SPATA16: variants seen among roughly 807,000 people sequenced by gnomAD.
The protein encoded by SPATA16 is spermatogenesis-associated protein 16.
Under a neutral mutation model 63.3 loss-of-function variants are expected in SPATA16, and 36 were observed. That is an observed-to-expected ratio of 0.57 (90% CI 0.44 to 0.75). SPATA16 has a LOEUF of 0.75. Among genes scored for constraint, SPATA16 ranks in the 30% least tolerant of loss-of-function variants. SPATA16 has a pLI of 0.00. For missense variants in SPATA16, 646 were observed against 679.3 expected (o/e 0.95, Z 0.54); for synonymous variants, 203 against 216.7 (o/e 0.94, Z 0.56).
At chr3:173,123,851 G>A (rs570717877) in intron 1 of SPATA16, among the ~76,000 whole-genome samples, 13 of 152,074 alleles carry the variant, frequency 8.5e-5, no homozygotes, top group Admixed American at 3.9e-4. Context: ...TGATCCACCC[G>A]CCTCAGCCTC....
intron 6 of SPATA16, among the ~76,000 whole-genome samples, chr3:172,933,229 G>C (rs552079080): frequency 6.6e-6 from 1 of 152,234 alleles, no homozygotes; most frequent in Non-Finnish European, 1.5e-5. Context: ...TTCTTGCACT[G>C]TATGAGAGTT....
intron 1 of SPATA16, among the ~76,000 whole-genome samples, chr3:173,129,865 C>T (rs1035062187): frequency 5.9e-5 from 9 of 152,072 alleles, no homozygotes; most frequent in Non-Finnish European, 1.2e-4. Flanking sequence ...GCAAATAATG[C>T]ATGATCCACT....
intron 8 of SPATA16, among the ~76,000 whole-genome samples, chr3:172,919,076 A>G (rs907123416): frequency 1.3e-5 from 2 of 152,214 alleles, no homozygotes; most frequent in African/African-American, 4.8e-5. Context: ...GAAGAAATTA[A>G]AAGTAAAATT....
chr3:172,904,764 T>G (rs764128358), intron 10 of SPATA16, among the ~76,000 whole-genome samples: 1 of 152,238 alleles, frequency 6.6e-6, no homozygotes, highest in African/African-American at 2.4e-5. Context: ...GTGGGAAAGA[T>G]GGCCAGACCA....
rs776214974 is a variant in SPATA16 at position 172,916,433 on chromosome 3, T to C, written c.1387A>G (p.Ser463Gly). 6.2e-6 allele frequency: 10 copies of C among 1,613,758 alleles called. No individual in the cohort carries two copies. Among genetic ancestry groups the C allele is most frequent in the South Asian group, 1.1e-5 (1 of 91,080 alleles). ...SGVMEKLQYA[S>G]LLSQLQRVKE... ...ACTCTCTGCAGCTGGCTGAGGAGGCTGGCATATTGCAACTTCTCCATCACA... is the reference window on the plus strand; with the variant it reads ...ACTCTCTGCAGCTGGCTGAGGAGGCCGGCATATTGCAACTTCTCCATCACA... The change falls in exon 9 of 11, where the codon AGC becomes GGC. Residue 463 changes from serine to glycine, a missense_variant. Transcript: ENST00000351008.
chr3:172,897,211 A>G (rs937207543), intron 10 of SPATA16, among the ~76,000 whole-genome samples: 5 of 152,022 alleles, frequency 3.3e-5, no homozygotes, highest in African/African-American at 9.7e-5. Flanking sequence ...TGAAAATGCT[A>G]TTTTTCTTCC....
At chr3:172,901,999 T>G (rs568742082) in intron 10 of SPATA16, among the ~76,000 whole-genome samples, 1 of 152,200 alleles carries the variant, frequency 6.6e-6, no homozygotes, top group Non-Finnish European at 1.5e-5. Context: ...CTTGTTCTTC[T>G]CTGACACTAC....
At chr3:172,940,025 A>G (rs1485824342) in intron 6 of SPATA16, among the ~76,000 whole-genome samples, 1 of 152,182 alleles carries the variant, frequency 6.6e-6, no homozygotes, top group East Asian at 1.9e-4. Flanking sequence ...TTGGAGACCT[A>G]CCAGGTTGGT....
At position 173,075,342 on chromosome 3, in the gene SPATA16, A is replaced by G. The variant is rs529067168; in HGVS notation, c.613-26248T>C. On this transcript the variant is annotated intron_variant, in intron 2 of 10. Coordinates refer to ENST00000351008, the MANE Select transcript of SPATA16 (RefSeq NM_031955.6). ...TACACAGTTGGTGAGAATGTAAATT[A>G]GTAAAATCACTATGAAGAATAGTAT... is the stretch of plus-strand genomic sequence containing the variant. 3.7e-3 allele frequency among the ~76,000 whole-genome samples: 561 copies of G among 152,354 alleles called. 6 individuals carry two copies. Among genetic ancestry groups the G allele is most frequent in the African/African-American group, 0.013 (523 of 41,592 alleles).
At chr3:172,927,854 G>A (rs143417172) in intron 6 of SPATA16, among the ~76,000 whole-genome samples, 122 of 152,288 alleles carry the variant, frequency 8.0e-4, no homozygotes, top group African/African-American at 2.8e-3. Flanking sequence ...AACTAACAGA[G>A]TGACTTTTAG....
At chr3:173,059,020 T>A (rs1453773242) in intron 2 of SPATA16, among the ~76,000 whole-genome samples, 1 of 152,054 alleles carries the variant, frequency 6.6e-6, no homozygotes, top group Non-Finnish European at 1.5e-5. Flanking sequence ...AATCATAGGT[T>A]TTATTCATAT....
At chr3:173,009,078 TTAAGA>T (rs1227929840) in intron 4 of SPATA16, among the ~76,000 whole-genome samples, 1 of 152,238 alleles carries the variant, frequency 6.6e-6, no homozygotes, top group Non-Finnish European at 1.5e-5. Context: ...TTCAGCTTTC[TTAAGA>T]TGATTCTGCA....
At chr3:173,045,666 A>G (rs1317566758) in intron 3 of SPATA16, among the ~76,000 whole-genome samples, 2 of 152,174 alleles carry the variant, frequency 1.3e-5, no homozygotes, top group Non-Finnish European at 2.9e-5. Flanking sequence ...TAAATATACT[A>G]TGCTGGCTCT....
chr3:172,965,787 A>G (rs1442250522), intron 5 of SPATA16, among the ~76,000 whole-genome samples: 2 of 152,174 alleles, frequency 1.3e-5, no homozygotes, highest in African/African-American at 4.8e-5. Context: ...CATGTTGGCC[A>G]GGATGGTCTC....
chr3:172,958,058 T>C (rs1733642268), intron 5 of SPATA16, among the ~76,000 whole-genome samples: 1 of 152,220 alleles, frequency 6.6e-6, no homozygotes, highest in African/African-American at 2.4e-5. Flanking sequence ...AACTATTGGA[T>C]AATTGAATGC....
At chr3:173,052,438 T>C (rs1340802806) in intron 2 of SPATA16, among the ~76,000 whole-genome samples, 1 of 152,202 alleles carries the variant, frequency 6.6e-6, no homozygotes, top group Non-Finnish European at 1.5e-5. Context: ...GTATGTTTGT[T>C]GAATTCTTGC....
At chr3:172,992,975 A>G (rs1424661784) in intron 4 of SPATA16, among the ~76,000 whole-genome samples, 1 of 152,162 alleles carries the variant, frequency 6.6e-6, no homozygotes, top group Non-Finnish European at 1.5e-5. Context: ...GAGCAATTAC[A>G]CCTAAAATAC....
At chr3:173,015,080 T>C (rs1735151027) in intron 4 of SPATA16, among the ~76,000 whole-genome samples, 1 of 136,922 alleles carries the variant, frequency 7.3e-6, no homozygotes, top group Non-Finnish European at 1.5e-5. Flanking sequence ...TTTTTTTTTT[T>C]GAGACAGAGT....
At chr3:173,064,622 C>T (rs1736472048) in intron 2 of SPATA16, among the ~76,000 whole-genome samples, 2 of 152,168 alleles carry the variant, frequency 1.3e-5, no homozygotes, top group Admixed American at 1.3e-4. Flanking sequence ...ATGGAGTTAA[C>T]TCTAAGTTAA....
Sources: allele counts gnomAD v4.1 joint callset (sites outside exome capture counted in the v4.1 genomes callset), GRCh38; gene constraint gnomAD v4.1.1; transcripts MANE v1.5; gene names NCBI Gene and HGNC (gene_info 2026-07-23, HGNC 2026-07-21).